ADGB: variants seen among roughly 807,000 people sequenced by gnomAD.
The protein encoded by ADGB is androglobin.
In ADGB, 172 loss-of-function variants were observed where a neutral mutation model predicts 210.5. That is an observed-to-expected ratio of 0.82 (90% confidence interval 0.72 to 0.93). The LOEUF (loss-of-function observed/expected upper bound fraction) is 0.93. Ranked by LOEUF, ADGB falls within the 40% of genes least tolerant of loss-of-function variation. The probability of loss-of-function intolerance (pLI) is 0.00; values close to 1 mark genes in which losing one functional copy is unlikely to be tolerated. For synonymous variants in ADGB, 658 were observed against 662.7 expected (o/e 0.99, Z 0.11); for missense variants, 2,025 against 1,964.8 (o/e 1.03, Z -0.58).
At chr6:146,754,848 T>A (rs559159313) in intron 27 of ADGB, among the ~76,000 whole-genome samples, 1 of 152,156 alleles carries the variant, frequency 6.6e-6, no homozygotes, top group South Asian at 2.1e-4. Context: ...TTGGAGGTAG[T>A]TTGATGTCTA....
intron 1 of ADGB, 118 bp downstream of exon 1, chr6:146,599,232 G>A (rs1016579463): frequency 1.0e-5 from 9 of 878,064 alleles, no homozygotes; most frequent in Admixed American, 8.2e-5. Flanking sequence ...TGGCCTCCTC[G>A]CAGCTTGTCT....
At chr6:146,715,314 G>A in intron 13 of ADGB, 68 bp from the exon 14 acceptor site, 1 of 1,253,310 alleles carries the variant, frequency 8.0e-7, no homozygotes, top group Non-Finnish European at 1.1e-6. Flanking sequence ...AGCTCTTTTA[G>A]TAACTTTGGT....
At chr6:146,673,017 C>T (rs1776037811) in intron 8 of ADGB, among the ~76,000 whole-genome samples, 1 of 152,112 alleles carries the variant, frequency 6.6e-6, no homozygotes, top group South Asian at 2.1e-4. Context: ...AGGTGTGAGC[C>T]ACTGCATCCA....
intron 32 of ADGB, among the ~76,000 whole-genome samples, chr6:146,785,933 C>T (rs1777866114): frequency 6.6e-6 from 1 of 151,880 alleles, no homozygotes. Context: ...TACATCTCCC[C>T]CTTCACACAC....
At position 146,804,820 on chromosome 6, in the gene ADGB, G is replaced by T. The variant is rs1027361322; in HGVS notation, c.4818+2809G>T. 3.3e-5 allele frequency among the ~76,000 whole-genome samples: 5 copies of T among 152,102 alleles called. No homozygotes were observed. The South Asian group carries it at 1.0e-3, about 32-fold the overall frequency. On this transcript the variant is annotated intron_variant, in intron 35 of 35. Transcript: ENST00000397944. ...TGGTAACAAAACCCCCAATATCACA[G>T]TGGCCTAACATAGTGTTTGGCAGAC...
At position 146,724,205 on chromosome 6, in the gene ADGB, T is replaced by C. The variant is rs1323678926; in HGVS notation, c.2115T>C (p.Pro705=). The C allele has an allele frequency of 1.3e-6, 2 of 1,548,496 alleles. No individual in the cohort carries two copies. Among genetic ancestry groups the C allele is most frequent in the Non-Finnish European group, 1.7e-6 (2 of 1,146,040 alleles). Residue 705 remains proline (P), a synonymous_variant, in exon 18 of 36, where the codon CCT becomes CCC. Transcript: ENST00000397944. The part of the protein sequence containing the change: ...GEYGALTKDS[P]PIEPGLLTAE... ...TTAAAGCCTTAACAAAAGACAGTCC[T>C]CCCATAGAGCCTGGACTTCTCACAG... is the stretch of plus-strand genomic sequence containing the variant.
intron 35 of ADGB, chr6:146,803,582 ACTT>A: frequency 7.0e-7 from 1 of 1,430,548 alleles, no homozygotes; most frequent in East Asian, 2.3e-5. Flanking sequence ...TGTTTTGGAG[ACTT>A]CTTAACCTCC....
At chr6:146,752,421 C>A (rs1471798390) in intron 26 of ADGB, 109 bp from the exon 27 acceptor site, 1 of 982,412 alleles carries the variant, frequency 1.0e-6, no homozygotes, top group Non-Finnish European at 1.5e-6. Flanking sequence ...GTGAGGGTCA[C>A]AGTTTGACAG....
At chr6:146,726,869 A>G (rs1776902785) in intron 19 of ADGB, among the ~76,000 whole-genome samples, 1 of 151,866 alleles carries the variant, frequency 6.6e-6, no homozygotes, top group Non-Finnish European at 1.5e-5. Context: ...CTCTCCTTTC[A>G]TTTCTTCCTT....
intron 29 of ADGB, among the ~76,000 whole-genome samples, chr6:146,775,354 A>C (rs1777707471): frequency 6.6e-6 from 1 of 152,174 alleles, no homozygotes; most frequent in Non-Finnish European, 1.5e-5. Flanking sequence ...TCTATTATAA[A>C]TGTTTAGAAA....
intron 27 of ADGB, among the ~76,000 whole-genome samples, chr6:146,756,163 A>G (rs1466536205): frequency 6.6e-6 from 1 of 152,086 alleles, no homozygotes; most frequent in Non-Finnish European, 1.5e-5. Flanking sequence ...GTCTTTTCCC[A>G]GTCCAGTGTT....
intron 1 of ADGB, chr6:146,600,264 G>A (rs894604590): frequency 5.9e-5 from 10 of 169,566 alleles, no homozygotes; most frequent in Admixed American, 4.4e-4. Flanking sequence ...AATTTTAATA[G>A]GATTGCTTTA....
intron 8 of ADGB, 86 bp from the exon 9 acceptor site, chr6:146,676,227 T>G: frequency 7.8e-7 from 1 of 1,274,128 alleles, no homozygotes. Context: ...TATTTTGGCC[T>G]TTTTTCTTTA....
In ADGB at chr6:146,794,337, G is replaced by A. The variant is rs969422334; in HGVS notation, c.4537+5727G>A. ...CTAGAGTACTTGCCAAGGTAGCTCC[G>A]GTGAGTGGCTGGAAAGGGGTGTTGG... On this transcript the variant is annotated intron_variant, in intron 33 of 35. Transcript: ENST00000397944. 2.4e-4 allele frequency among the ~76,000 whole-genome samples: 36 copies of A among 152,136 alleles called. 1 individual carries two copies. Among genetic ancestry groups the A allele is most frequent in the Admixed American group, 1.4e-3 (22 of 15,272 alleles).
At chr6:146,763,129 T>C (rs1777519990) in intron 27 of ADGB, among the ~76,000 whole-genome samples, 1 of 152,174 alleles carries the variant, frequency 6.6e-6, no homozygotes, top group African/African-American at 2.4e-5. Flanking sequence ...TGTATACAGT[T>C]GGGAAGGTGC....
At position 146,664,187 on chromosome 6, in the gene ADGB, C is replaced by T; in HGVS notation, c.613-14C>T. 1 of 1,538,308 alleles carries T rather than the reference C, an allele frequency of 6.5e-7. No homozygotes were observed. The stretch of plus-strand genomic sequence containing the variant: ...GCCATTGATGGTATTACATTTCTTT[C>T]ATCTTATTTTTAGGGTTGCTGGAGA... On this transcript the variant is annotated splice_polypyrimidine_tract_variant and intron_variant, in intron 5 of 35. Transcript: ENST00000397944.
intron 2 of ADGB, 29 bp from the exon 3 acceptor site, chr6:146,644,744 C>A (rs1220076996): frequency 2.4e-6 from 3 of 1,235,342 alleles, no homozygotes; most frequent in Non-Finnish European, 2.2e-6. Context: ...AAAGAATATG[C>A]AGAAAAAACT....
intron 4 of ADGB, 120 bp downstream of exon 4, chr6:146,654,326 A>G: frequency 2.4e-6 from 1 of 421,804 alleles, no homozygotes; most frequent in South Asian, 3.8e-5. Context: ...GGTATTATAT[A>G]TATATATATA....
intron 1 of ADGB, among the ~76,000 whole-genome samples, chr6:146,629,357 G>A (rs1428884789): frequency 6.6e-6 from 1 of 152,136 alleles, no homozygotes; most frequent in Admixed American, 6.5e-5. Context: ...TTTATATTGT[G>A]TGTATAACAC....
Sources: gnomAD v4.1 joint callset for allele counts (sites outside exome capture counted in the v4.1 genomes callset) on GRCh38, gnomAD v4.1.1 for gene constraint, MANE v1.5 for transcripts, NCBI Gene and HGNC (gene_info 2026-07-23, HGNC 2026-07-21) for gene names.